Variants in DENND1B observed in about 807,000 individuals in gnomAD.
DENND1B encodes the protein DENN domain containing 1B.
Under a neutral mutation model 90.1 loss-of-function variants are expected in DENND1B, and 59 were observed. The ratio of observed to expected loss-of-function variants is 0.65; its 90% confidence interval spans 0.53 to 0.81. DENND1B has a LOEUF of 0.81. Ranked by LOEUF, DENND1B falls within the 40% of genes least tolerant of loss-of-function variation. DENND1B has a pLI of 0.00. For synonymous variants in DENND1B, 337 were observed against 324.6 expected (o/e 1.04, Z -0.41); for missense variants, 862 against 912.6 (o/e 0.94, Z 0.71).
At chr1:197,700,843 T>C (rs1658950929) in intron 3 of DENND1B, among the ~76,000 whole-genome samples, 3 of 152,150 alleles carry the variant, frequency 2.0e-5, no homozygotes, top group Admixed American at 2.0e-4. Context: ...AAGCTTAACA[T>C]CACTGATCAC....
intron 20 of DENND1B, among the ~76,000 whole-genome samples, chr1:197,535,090 G>T (rs982446525): frequency 2.0e-5 from 3 of 152,180 alleles, no homozygotes; most frequent in African/African-American, 7.2e-5. Flanking sequence ...CTTGCCCAAT[G>T]TGCAAATATA....
At chr1:197,673,026 G>A (rs1163749767) in intron 4 of DENND1B, among the ~76,000 whole-genome samples, 1 of 152,018 alleles carries the variant, frequency 6.6e-6, no homozygotes, top group Non-Finnish European at 1.5e-5. Context: ...GGATTGTGCA[G>A]AAGGAAATAA....
chr1:197,516,672 TAGTA>T (rs1402309308), intron 20 of DENND1B, among the ~76,000 whole-genome samples: 1 of 151,640 alleles, frequency 6.6e-6, no homozygotes, highest in Non-Finnish European at 1.5e-5. Flanking sequence ...GGGGAAATGG[TAGTA>T]AGTAAGTTTA....
intron 3 of DENND1B, among the ~76,000 whole-genome samples, chr1:197,688,133 T>C (rs1263065282): frequency 1.3e-5 from 2 of 151,736 alleles, no homozygotes; most frequent in African/African-American, 4.8e-5. Flanking sequence ...GATTTGCAAA[T>C]GAAAAACTAT....
intron 13 of DENND1B, among the ~76,000 whole-genome samples, chr1:197,602,343 A>T (rs1454430284): frequency 6.6e-6 from 1 of 151,528 alleles, no homozygotes; most frequent in Non-Finnish European, 1.5e-5. Context: ...TAGATGCCTG[A>T]GTTCTAACAA....
At chr1:197,606,827 T>A in intron 13 of DENND1B, 1 of 365,406 alleles carries the variant, frequency 2.7e-6, no homozygotes, top group South Asian at 4.5e-5. Context: ...AAACTCTGCC[T>A]AATGAATGCA....
intron 12 of DENND1B, 62 bp downstream of exon 12, chr1:197,611,869 C>G (rs1260592228): frequency 4.9e-6 from 7 of 1,442,134 alleles, no homozygotes; most frequent in Non-Finnish European, 6.8e-6. Flanking sequence ...CAAAACAAAA[C>G]TGTTTTAACT....
At chr1:197,714,520 A>G (rs929955298) in intron 3 of DENND1B, among the ~76,000 whole-genome samples, 2 of 152,074 alleles carry the variant, frequency 1.3e-5, no homozygotes, top group Non-Finnish European at 2.9e-5. Flanking sequence ...TGCATGCCAT[A>G]TTTTTTAAAG....
At chr1:197,568,853 C>G (rs1191648114) in intron 15 of DENND1B, among the ~76,000 whole-genome samples, 2 of 151,872 alleles carry the variant, frequency 1.3e-5, no homozygotes, top group African/African-American at 4.8e-5. Context: ...AACCATAAAA[C>G]TACAAGAAGA....
At chr1:197,705,482 A>G (rs941031769) in intron 3 of DENND1B, among the ~76,000 whole-genome samples, 6 of 152,110 alleles carry the variant, frequency 3.9e-5, no homozygotes, top group Middle Eastern at 3.2e-3. Context: ...TTGATGTCCC[A>G]GTGATCTCAC....
intron 10 of DENND1B, among the ~76,000 whole-genome samples, chr1:197,623,190 A>G (rs938821778): frequency 6.6e-6 from 1 of 151,498 alleles, no homozygotes; most frequent in Non-Finnish European, 1.5e-5. Context: ...GCATTTATTA[A>G]TAAAATCCAA....
At chr1:197,514,697 T>C (rs1056836162) in intron 20 of DENND1B, among the ~76,000 whole-genome samples, 4 of 151,602 alleles carry the variant, frequency 2.6e-5, no homozygotes, top group Non-Finnish European at 5.9e-5. Context: ...CTTCTGCATA[T>C]GTTTGAAATT....
At chr1:197,647,855 G>A (rs948828563) in intron 7 of DENND1B, among the ~76,000 whole-genome samples, 15 of 151,424 alleles carry the variant, frequency 9.9e-5, no homozygotes, top group African/African-American at 2.7e-4. Flanking sequence ...GGCCAAGGCA[G>A]GAGAATCACT....
intron 2 of DENND1B, chr1:197,734,142 T>A: frequency 3.2e-6 from 3 of 927,192 alleles, no homozygotes; most frequent in South Asian, 1.0e-4. Context: ...CTTTTCATAT[T>A]CCTGAATAAG....
At position 197,715,061 on chromosome 1, in the gene DENND1B, CA is replaced by C; in HGVS notation, c.95del (p.Leu32CysfsTer42). 1 of 1,611,364 alleles carries C rather than the reference CA, an allele frequency of 6.2e-7. No homozygotes were observed. Among genetic ancestry groups the C allele is most frequent in the Non-Finnish European group, 8.5e-7 (1 of 1,178,444 alleles). On this transcript the variant is annotated frameshift_variant, in exon 3 of 23. Transcript: ENST00000620048. LOFTEE classifies it high-confidence loss of function. ...CTCCAAAGTCCTCTGGGAATTTCCA[CA>C]ATACCACAGGATCTGTAAATAATTG... ...HASENEDPVV[L>X]WKFPEDFGDQ...
At chr1:197,737,692 G>A (rs1024108228) in intron 2 of DENND1B, among the ~76,000 whole-genome samples, 3 of 152,042 alleles carry the variant, frequency 2.0e-5, no homozygotes, top group Non-Finnish European at 4.4e-5. Context: ...ATTCACATAG[G>A]TATCCAGGAT....
intron 15 of DENND1B, among the ~76,000 whole-genome samples, chr1:197,564,454 ATATTT>A (rs1672452019): frequency 6.6e-6 from 1 of 150,472 alleles, no homozygotes; most frequent in Non-Finnish European, 1.5e-5. Flanking sequence ...TATCATTACC[ATATTT>A]TAGTAATAAA....
intron 2 of DENND1B, among the ~76,000 whole-genome samples, chr1:197,730,386 T>C (rs1662042467): frequency 6.6e-6 from 1 of 152,120 alleles, no homozygotes; most frequent in Non-Finnish European, 1.5e-5. Flanking sequence ...TTCAGCTCCA[T>C]CCATGTGGAA....
At chr1:197,749,284 T>C (rs1488642270) in intron 2 of DENND1B, among the ~76,000 whole-genome samples, 1 of 151,998 alleles carries the variant, frequency 6.6e-6, no homozygotes, top group Non-Finnish European at 1.5e-5. Context: ...TATATAAATT[T>C]ATAGACCCAA....
Sources: allele counts gnomAD v4.1 joint callset (sites outside exome capture counted in the v4.1 genomes callset), GRCh38; gene constraint gnomAD v4.1.1; transcripts MANE v1.5; gene names NCBI Gene and HGNC (gene_info 2026-07-23, HGNC 2026-07-21).